Variants in SLC24A2 observed in about 807,000 individuals in gnomAD.
SLC24A2 encodes solute carrier family 24 member 2, also known as sodium/potassium/calcium exchanger 2.
In SLC24A2, 36 loss-of-function variants were observed where a neutral mutation model predicts 62.0. The observed-to-expected ratio is 0.58, with a 90% confidence interval of 0.44 to 0.77. The LOEUF is 0.77. SLC24A2 is among the 30% of genes least tolerant of loss of function. The pLI is 0.00. For synonymous variants in SLC24A2, 358 were observed against 294.0 expected (o/e 1.22, Z -2.23); for missense variants, 846 against 817.9 (o/e 1.03, Z -0.42).
At chr9:20,253,068 T>C in the SLC24A2 span, among the ~76,000 whole-genome samples, 1 of 152,212 alleles carries the variant, frequency 6.6e-6, no homozygotes, top group Admixed American at 6.5e-5. Context: ...TTGTTGCCTA[T>C]CCCAAGGCAA....
chr9:19,998,789 A>G, the SLC24A2 span, among the ~76,000 whole-genome samples: 20 of 152,346 alleles, frequency 1.3e-4, 1 homozygote, highest in Admixed American at 1.1e-3. Flanking sequence ...GGGGGGATTC[A>G]GATTTTGTGT....
At chr9:19,638,675 C>A (rs1390916653) in intron 2 of SLC24A2, among the ~76,000 whole-genome samples, 1 of 152,102 alleles carries the variant, frequency 6.6e-6, no homozygotes, top group Non-Finnish European at 1.5e-5. Context: ...ATGACTAGTT[C>A]TGTGGCCCTC....
chr9:19,820,555 A>T, the SLC24A2 span, among the ~76,000 whole-genome samples: 1 of 151,726 alleles, frequency 6.6e-6, no homozygotes, highest in Non-Finnish European at 1.5e-5. Context: ...ATAAATAAAT[A>T]AATAAAAATA....
chr9:20,032,936 C>T, the SLC24A2 span, among the ~76,000 whole-genome samples: 7 of 152,114 alleles, frequency 4.6e-5, no homozygotes, highest in East Asian at 9.6e-4. Context: ...GACGTAACTC[C>T]GATTTCCCTT....
the SLC24A2 span, among the ~76,000 whole-genome samples, chr9:20,239,467 C>A: frequency 1.1e-4 from 17 of 151,992 alleles, no homozygotes; most frequent in Non-Finnish European, 2.2e-4. Flanking sequence ...TTTAAGGGGG[C>A]CTGGTCAGGG....
At chr9:20,073,679 C>T in the SLC24A2 span, among the ~76,000 whole-genome samples, 2 of 151,946 alleles carry the variant, frequency 1.3e-5, no homozygotes, top group Admixed American at 6.6e-5. Context: ...CTCGTTAAAA[C>T]TCATTCACCA....
In SLC24A2 at chr9:19,648,595, C is replaced by T. The variant is rs528026922; in HGVS notation, c.931-26296G>A. Among the ~76,000 whole-genome samples the T allele has an allele frequency of 2.7e-3, 417 of 152,148 alleles. 2 individuals are homozygous for T. The highest frequency in any genetic ancestry group is 4.6e-3 in the Non-Finnish European group (314 of 67,984). On this transcript the variant is annotated intron_variant, in intron 2 of 10. Transcript: ENST00000341998. ...ATAAAATTCACCTGTAGAAAGAAAGCCCAGAATAGGAGACTATTTTTAAAT... is the reference window on the plus strand; with the variant it reads ...ATAAAATTCACCTGTAGAAAGAAAGTCCAGAATAGGAGACTATTTTTAAAT...
At chr9:19,596,372 A>G (rs1836703363) in intron 5 of SLC24A2, among the ~76,000 whole-genome samples, 1 of 152,140 alleles carries the variant, frequency 6.6e-6, no homozygotes, top group South Asian at 2.1e-4. Context: ...AAAACCTTAA[A>G]TGTTTTTCAT....
chr9:19,850,990 T>C, the SLC24A2 span, among the ~76,000 whole-genome samples: 23 of 39,824 alleles, frequency 5.8e-4, no homozygotes, highest in African/African-American at 8.1e-4. Flanking sequence ...TATATGTATA[T>C]ATATATATAT....
At chr9:19,537,316 T>C (rs1302194903) in intron 8 of SLC24A2, among the ~76,000 whole-genome samples, 1 of 128,286 alleles carries the variant, frequency 7.8e-6, no homozygotes, top group Non-Finnish European at 1.6e-5. Context: ...GGTTTTCTTC[T>C]AGGGTTTTTA....
At position 19,571,935 on chromosome 9, in the gene SLC24A2, A is replaced by G. The variant is rs918653581; in HGVS notation, c.1347+1416T>C. 6.6e-5 allele frequency among the ~76,000 whole-genome samples: 10 copies of G among 152,248 alleles called. No homozygotes were observed. In the East Asian group the frequency reaches 1.2e-3, roughly 18 times the overall value. ...ATCTACAAACTAGGTAACCCCAATTAACTACTTCATCTCACTGAGCTTCAG... is the reference window on the plus strand; with the variant it reads ...ATCTACAAACTAGGTAACCCCAATTGACTACTTCATCTCACTGAGCTTCAG... On this transcript the variant is annotated intron_variant, in intron 7 of 10. Transcript: ENST00000341998.
intron 8 of SLC24A2, among the ~76,000 whole-genome samples, chr9:19,532,696 T>A (rs1563938557): frequency 6.6e-6 from 1 of 152,186 alleles, no homozygotes; most frequent in Non-Finnish European, 1.5e-5. Context: ...TGTGCTTGAA[T>A]AAGTCACCAA....
At chr9:19,619,529 C>A (rs1488164280) in intron 4 of SLC24A2, 55 bp downstream of exon 4, 2 of 1,348,078 alleles carry the variant, frequency 1.5e-6, no homozygotes, top group African/African-American at 1.4e-5. Flanking sequence ...GCAGAGAAGC[C>A]TTTTGGCATC....
At chr9:20,207,373 G>C in the SLC24A2 span, among the ~76,000 whole-genome samples, 4 of 152,112 alleles carry the variant, frequency 2.6e-5, no homozygotes, top group Non-Finnish European at 4.4e-5. Context: ...AGCAGCATCA[G>C]ACTGCTACTA....
the SLC24A2 span, among the ~76,000 whole-genome samples, chr9:20,098,381 C>G: frequency 6.6e-6 from 1 of 152,252 alleles, no homozygotes; most frequent in East Asian, 1.9e-4. Context: ...TTTTCAGGTG[C>G]TGGGTTTTTT....
the SLC24A2 span, among the ~76,000 whole-genome samples, chr9:20,239,744 G>C: frequency 9.2e-5 from 14 of 152,180 alleles, no homozygotes; most frequent in Non-Finnish European, 4.4e-5. Context: ...GCTTTACATG[G>C]AATAATATTT....
At chr9:19,691,142 GAAC>G (rs1287566430) in intron 2 of SLC24A2, among the ~76,000 whole-genome samples, 1 of 152,138 alleles carries the variant, frequency 6.6e-6, no homozygotes, top group Admixed American at 6.6e-5. Flanking sequence ...TTGAAGGTGT[GAAC>G]AAGAAAGGAT....
the SLC24A2 span, among the ~76,000 whole-genome samples, chr9:19,850,967 GT>G: frequency 5.5e-5 from 1 of 18,192 alleles, no homozygotes; most frequent in Non-Finnish European, 1.2e-4. Context: ...ATATATATAT[GT>G]ATATATATAT....
At chr9:19,954,902 C>G in the SLC24A2 span, among the ~76,000 whole-genome samples, 2 of 152,150 alleles carry the variant, frequency 1.3e-5, no homozygotes, top group Non-Finnish European at 2.9e-5. Context: ...AATCAGCAAA[C>G]TGACATCTAA....
Sources: allele counts gnomAD v4.1 joint callset (sites outside exome capture counted in the v4.1 genomes callset), GRCh38; gene constraint gnomAD v4.1.1; transcripts MANE v1.5; gene names NCBI Gene and HGNC (gene_info 2026-07-23, HGNC 2026-07-21).